Variants in NUP188 observed in about 807,000 individuals in gnomAD.
NUP188 encodes nucleoporin 188.
NUP188 carries 97 observed loss-of-function variants against 223.0 expected under a neutral mutation model. That is an observed-to-expected ratio of 0.43 (90% CI 0.37 to 0.51). The LOEUF (loss-of-function observed/expected upper bound fraction) is 0.51. NUP188 is among the 20% of genes least tolerant of loss of function. The pLI, the probability that NUP188 is intolerant of heterozygous loss-of-function variation, is 0.00. For synonymous variants in NUP188, 869 were observed against 828.0 expected (o/e 1.05, Z -0.85); for missense variants, 1,947 against 2,175.6 (o/e 0.89, Z 2.09).
rs1356168066 is a variant in NUP188 at position 129,005,177 on chromosome 9, A to T, written c.4465A>T (p.Thr1489Ser). 3.7e-6 allele frequency: 6 copies of T among 1,614,004 alleles called. No homozygotes were observed. The South Asian group carries it at 4.4e-5, about 12-fold the overall frequency. Residue 1489 changes from threonine to serine, a missense_variant, in exon 39 of 44, where the codon ACC (threonine) becomes TCC (serine). Physicochemically the swap from Thr to Ser is moderately conservative, Grantham distance 58. This residue lies in a region of NUP188 where 905 missense variants were observed against 990.6 expected (regional missense o/e 0.91). Transcript: ENST00000372577. Reference sequence around the variant, plus strand: ...CCTGGGTTACTTGTGCCAGGCATGTACCTCTCTCCTGCACAGTCGAAAGAT... The same window carrying T: ...CCTGGGTTACTTGTGCCAGGCATGTTCCTCTCTCCTGCACAGTCGAAAGAT... ...VNLGYLCQAC[T>S]SLLHSRKMLQ...
chr9:128,994,563 A>C (rs1356409597), intron 28 of NUP188, 121 bp downstream of exon 28: 4 of 757,930 alleles, frequency 5.3e-6, no homozygotes, highest in Non-Finnish European at 9.1e-6. Context: ...TGTTCCCTTC[A>C]CTAGAAACGT....
intron 1 of NUP188, chr9:128,948,061 G>A: frequency 3.3e-6 from 1 of 298,540 alleles, no homozygotes; most frequent in Non-Finnish European, 6.1e-6. Context: ...CCCCACCCGC[G>A]CTTCCTTCTC....
rs1310013130 is a variant in NUP188 at position 128,956,970 on chromosome 9, A to T, written c.265A>T (p.Ser89Cys). 6.2e-7 allele frequency: 1 copy of T among 1,612,500 alleles called. No homozygotes were observed. The highest frequency in any genetic ancestry group is 8.5e-7 in the Non-Finnish European group (1 of 1,179,174). Residue 89 changes from serine (S) to cysteine (C), a missense_variant, in exon 5 of 44, where the codon AGT (serine) becomes TGT (cysteine). Ser to Cys is a moderately radical substitution (Grantham distance 112). Around this residue, in one of 3 missense-constraint regions of NUP188, gnomAD observed 817 missense variants for 865.8 expected, o/e 0.94. Coordinates refer to ENST00000372577, the MANE Select transcript of NUP188 (RefSeq NM_015354.3). ...SKFLGLDEEQSVQLLQCYLQE... is the reference protein window; with the variant it reads ...SKFLGLDEEQCVQLLQCYLQE... The stretch of plus-strand genomic sequence containing the variant: ...GTTTCAGGGTCTTGATGAAGAACAG[A>T]GTGTGCAGTTACTCCAGTGTTACCT...
At chr9:129,003,666 T>G in intron 38 of NUP188, 1 of 665,310 alleles carries the variant, frequency 1.5e-6, no homozygotes, top group Non-Finnish European at 2.7e-6. Context: ...GAATTTGGAC[T>G]TTTATCAGTT....
rs1482354718 is a variant in NUP188, at chr9:128,969,459, C to T, written c.857C>T (p.Ala286Val). ...GMDIESLHKC[A>V]LDDRRELHQF... ...GATATCGAGTCCTTGCATAAGTGTGCTTTGGATGACAGAAGAGAACTGCAT... is the reference window on the plus strand; with the variant it reads ...GATATCGAGTCCTTGCATAAGTGTGTTTTGGATGACAGAAGAGAACTGCAT... The change falls in exon 10 of 44, where the codon GCT becomes GTT. Residue 286 changes from alanine to valine, a missense_variant. Around this residue, in one of 3 missense-constraint regions of NUP188, gnomAD observed 817 missense variants for 865.8 expected, o/e 0.94. Transcript: ENST00000372577. 3 of 1,604,130 alleles carry T rather than the reference C, an allele frequency of 1.9e-6. No individual in the cohort carries two copies. The highest frequency in any genetic ancestry group is 1.1e-5 in the South Asian group (1 of 89,178).
chr9:128,975,677 G>A (rs1588278550), intron 12 of NUP188, among the ~76,000 whole-genome samples: 1 of 151,684 alleles, frequency 6.6e-6, no homozygotes, highest in South Asian at 2.1e-4. Context: ...ACGCCACCAC[G>A]TCTGGCGAAT....
rs904234265 is a variant in NUP188 at position 129,006,972 on chromosome 9, G to T, written c.*294G>T. 9.1e-6 allele frequency: 3 copies of T among 331,302 alleles called. No homozygotes were observed. The highest frequency in any genetic ancestry group is 8.2e-5 in the South Asian group (1 of 12,242). The allele number at this position is 331,302 out of a possible 1,614,324, so 20.5% of individuals were successfully genotyped here. On this transcript the variant is annotated 3_prime_UTR_variant, in exon 44 of 44. Transcript: ENST00000372577. ...TTCCCCACAGCACTGCCGGCCAGGG[G>T]AGAGGCGGCAGCCCAGCAGAGGGCT...
chr9:128,984,123 G>GTTTTTTTTTTTTTTTTTTTTT (rs1564560013), intron 19 of NUP188, among the ~76,000 whole-genome samples: 1 of 106,544 alleles, frequency 9.4e-6, no homozygotes, highest in Non-Finnish European at 1.7e-5. Flanking sequence ...CGCCTGGCCT[G>GTTTTTTTTTTTTTTTTTTTTT]ATTTTTTTTT....
intron 3 of NUP188, 142 bp from the exon 4 acceptor site, chr9:128,956,208 T>A: frequency 2.1e-6 from 1 of 470,762 alleles, no homozygotes. Context: ...TGTGTGTGTG[T>A]GTGCGTGTGT....
At chr9:128,951,750 C>T (rs989088901) in intron 2 of NUP188, among the ~76,000 whole-genome samples, 3 of 151,158 alleles carry the variant, frequency 2.0e-5, no homozygotes, top group Non-Finnish European at 2.9e-5. Context: ...ATTAAAAACA[C>T]TCAAAGGAAT....
chr9:128,974,011 A>G (rs941801098), intron 12 of NUP188, among the ~76,000 whole-genome samples: 2 of 151,996 alleles, frequency 1.3e-5, no homozygotes, highest in Non-Finnish European at 2.9e-5. Context: ...CCTGGGTTCA[A>G]GCGATTCTTC....
At chr9:128,991,265 C>G (rs1460960865) in intron 25 of NUP188, among the ~76,000 whole-genome samples, 3 of 150,054 alleles carry the variant, frequency 2.0e-5, no homozygotes, top group African/African-American at 7.4e-5. Flanking sequence ...ATCGGCTGGG[C>G]GCTGTGGCTC....
chr9:128,998,490 A>G, intron 31 of NUP188, 48 bp from the exon 32 acceptor site: 2 of 1,508,452 alleles, frequency 1.3e-6, no homozygotes, highest in South Asian at 2.3e-5. Context: ...TGTGGATGGC[A>G]TGCGAATCTT....
intron 11 of NUP188, 61 bp downstream of exon 11, chr9:128,971,019 G>A: frequency 7.8e-7 from 1 of 1,287,036 alleles, no homozygotes; most frequent in South Asian, 1.2e-5. Context: ...TTATAATAAT[G>A]TAATAGTTAT....
chr9:128,956,716 G>C lies in NUP188; in HGVS notation c.247-236G>C, dbSNP rs1841876520. 1.3e-5 allele frequency among the ~76,000 whole-genome samples: 2 copies of C among 152,094 alleles called. 1 individual carries two copies. Among genetic ancestry groups the C allele is most frequent in the South Asian group, 4.1e-4 (2 of 4,832 alleles). ...ATCATGCCTACTGCTGTATTAATGTGCTTAGTGAATAAGCATCGTTGTTTC... is the reference window on the plus strand; with the variant it reads ...ATCATGCCTACTGCTGTATTAATGTCCTTAGTGAATAAGCATCGTTGTTTC... On this transcript the variant is annotated intron_variant, in intron 4 of 43. Coordinates refer to ENST00000372577, the MANE Select transcript of NUP188 (RefSeq NM_015354.3).
intron 23 of NUP188, 61 bp from the exon 24 acceptor site, chr9:128,987,986 C>T: frequency 6.4e-7 from 1 of 1,559,492 alleles, no homozygotes; most frequent in South Asian, 1.1e-5. Context: ...CATGAGAGCA[C>T]ATATATTGCG....
chr9:128,993,992 C>T (rs562354494), intron 27 of NUP188, among the ~76,000 whole-genome samples: 7 of 152,314 alleles, frequency 4.6e-5, no homozygotes, highest in Non-Finnish European at 8.8e-5. Flanking sequence ...GGCGCTTGCT[C>T]AAGTCACTGG....
At chr9:128,989,118 G>A (rs1426431904) in intron 24 of NUP188, among the ~76,000 whole-genome samples, 3 of 152,074 alleles carry the variant, frequency 2.0e-5, no homozygotes, top group African/African-American at 7.2e-5. Context: ...AAAGGGCTGG[G>A]CATGGTGGCT....
chr9:129,002,101 G>A, intron 36 of NUP188, 125 bp downstream of exon 36: 1 of 738,548 alleles, frequency 1.4e-6, no homozygotes, highest in African/African-American at 1.7e-5. Flanking sequence ...CTGATGGTGA[G>A]GAATCTTCCC....
Sources: allele counts gnomAD v4.1 joint callset (sites outside exome capture counted in the v4.1 genomes callset), GRCh38; gene constraint gnomAD v4.1.1; regional missense constraint gnomAD v4.1.1; transcripts MANE v1.5; gene names NCBI Gene and HGNC (gene_info 2026-07-23, HGNC 2026-07-21).